Variants in BMPR1A observed in about 807,000 individuals in gnomAD.
BMPR1A encodes the protein bone morphogenetic protein receptor type-1A.
A neutral mutation model predicts 66.0 loss-of-function variants in BMPR1A; 7 were observed. The ratio of observed to expected loss-of-function variants is 0.11; its 90% CI spans 0.06 to 0.20. The LOEUF (loss-of-function observed/expected upper bound fraction) is 0.20, where lower values mean the gene tolerates loss of function less well. Ranked by LOEUF, BMPR1A falls within the 10% of genes least tolerant of loss-of-function variation. The pLI is 1.00. For synonymous variants in BMPR1A, 200 were observed against 229.7 expected (o/e 0.87, Z 1.17); for missense variants, 408 against 669.1 (o/e 0.61, Z 4.31).
chr10:86,868,048 T>A (rs1297990590), intron 2 of BMPR1A, among the ~76,000 whole-genome samples: 1 of 152,214 alleles, frequency 6.6e-6, no homozygotes, highest in Non-Finnish European at 1.5e-5. Flanking sequence ...GACATGACAG[T>A]GGAAGTTTTA....
chr10:86,857,247 A>G (rs1455605767), intron 2 of BMPR1A, among the ~76,000 whole-genome samples: 1 of 152,158 alleles, frequency 6.6e-6, no homozygotes, highest in Admixed American at 6.5e-5. Flanking sequence ...TCTTGTTAGC[A>G]TAATCTCCCC....
intron 1 of BMPR1A, among the ~76,000 whole-genome samples, chr10:86,814,107 A>G (rs1842004495): frequency 6.6e-6 from 1 of 152,022 alleles, no homozygotes; most frequent in African/African-American, 2.4e-5. Context: ...CAATTTTACT[A>G]TATCTTGGTA....
At chr10:86,762,868 A>T (rs1841090878) in intron 1 of BMPR1A, among the ~76,000 whole-genome samples, 1 of 152,108 alleles carries the variant, frequency 6.6e-6, no homozygotes, top group Non-Finnish European at 1.5e-5. Flanking sequence ...AAGAAAGGAC[A>T]AGGAGACTGT....
chr10:86,789,278 AAAAGTAGAT>A, intron 1 of BMPR1A, among the ~76,000 whole-genome samples: 1 of 152,212 alleles, frequency 6.6e-6, no homozygotes, highest in East Asian at 1.9e-4. Flanking sequence ...GCAATCAGAA[AAAAGTAGAT>A]AAATTAAACT....
At chr10:86,795,405 A>G (rs986602158) in intron 1 of BMPR1A, among the ~76,000 whole-genome samples, 4 of 115,028 alleles carry the variant, frequency 3.5e-5, no homozygotes, top group Non-Finnish European at 5.2e-5. Context: ...ACCATATTTA[A>G]AAAGTGATTT....
At chr10:86,798,313 G>C (rs1287355778) in intron 1 of BMPR1A, among the ~76,000 whole-genome samples, 5 of 152,030 alleles carry the variant, frequency 3.3e-5, no homozygotes, top group African/African-American at 7.2e-5. Context: ...CTAATACTAA[G>C]TTTTTACATG....
intron 11 of BMPR1A, among the ~76,000 whole-genome samples, chr10:86,922,694 C>T (rs530423157): frequency 1.3e-5 from 2 of 152,346 alleles, no homozygotes; most frequent in African/African-American, 2.4e-5. Flanking sequence ...TGTTCTCATT[C>T]GGGAAAGCTC....
chr10:86,866,426 T>TTTTTTTTTTTTGTTTGGG (rs1842789160), intron 2 of BMPR1A, among the ~76,000 whole-genome samples: 1 of 138,186 alleles, frequency 7.2e-6, no homozygotes, highest in Admixed American at 7.1e-5. Flanking sequence ...TTTTTTTTTT[T>TTTTTTTTTTTTGTTTGGG]GAGATGGAGT....
chr10:86,759,497 G>A (rs886312270), intron 1 of BMPR1A, among the ~76,000 whole-genome samples: 19 of 152,010 alleles, frequency 1.2e-4, no homozygotes, highest in African/African-American at 4.6e-4. Context: ...TAGCAAACTT[G>A]CCTCTTTGGT....
At chr10:86,899,511 T>C (rs1843274693) in intron 5 of BMPR1A, among the ~76,000 whole-genome samples, 1 of 152,234 alleles carries the variant, frequency 6.6e-6, no homozygotes, top group East Asian at 1.9e-4. Context: ...AGTGAGATTA[T>C]ATGTACCAGA....
At chr10:86,839,592 CAAAAAAAAA>C (rs1210538965) in intron 2 of BMPR1A, among the ~76,000 whole-genome samples, 1 of 73,054 alleles carries the variant, frequency 1.4e-5, no homozygotes, top group Non-Finnish European at 2.6e-5. Context: ...GACTCTGTCT[CAAAAAAAAA>C]AAAAAAAAAA....
In BMPR1A at chr10:86,890,242, C is replaced by A. The variant is rs951790171; in HGVS notation, c.230+18C>A. On this transcript the variant is annotated intron_variant, in intron 4 of 12. Coordinates refer to ENST00000372037, the MANE Select transcript of BMPR1A (RefSeq NM_004329.3). ...ACATGCATGTAAGTATTTTATGCAG[C>A]CCTTCTTAAGAGTTAGGAGAATAGA... 5.0e-6 allele frequency: 8 copies of A among 1,612,194 alleles called. No homozygotes were observed. Among genetic ancestry groups the A allele is most frequent in the Non-Finnish European group, 6.8e-6 (8 of 1,178,356 alleles).
chr10:86,873,624 G>T (rs1043673777), intron 2 of BMPR1A, among the ~76,000 whole-genome samples: 7 of 152,148 alleles, frequency 4.6e-5, no homozygotes, highest in African/African-American at 1.7e-4. Context: ...TAGACAGGTG[G>T]AGTGTGATTC....
At chr10:86,865,927 TC>T (rs1162896958) in intron 2 of BMPR1A, among the ~76,000 whole-genome samples, 1 of 152,138 alleles carries the variant, frequency 6.6e-6, no homozygotes, top group Admixed American at 6.5e-5. Flanking sequence ...GGGACTGAGA[TC>T]CTGAGTAGTA....
At chr10:86,837,692 G>A (rs1011360800) in intron 1 of BMPR1A, among the ~76,000 whole-genome samples, 3 of 152,146 alleles carry the variant, frequency 2.0e-5, no homozygotes, top group African/African-American at 7.2e-5. Context: ...ATAGTCATAT[G>A]AGGACTCTGA....
intron 2 of BMPR1A, among the ~76,000 whole-genome samples, chr10:86,857,176 C>T (rs966527215): frequency 6.6e-6 from 1 of 152,148 alleles, no homozygotes; most frequent in African/African-American, 2.4e-5. Flanking sequence ...GCTTGGCTAG[C>T]TCAAACCCCA....
At chr10:86,911,872 T>A (rs1843493781) in intron 7 of BMPR1A, among the ~76,000 whole-genome samples, 1 of 152,212 alleles carries the variant, frequency 6.6e-6, no homozygotes, top group Non-Finnish European at 1.5e-5. Flanking sequence ...AGGCATTGTT[T>A]CATATCTATC....
intron 1 of BMPR1A, among the ~76,000 whole-genome samples, chr10:86,780,911 C>G (rs900850341): frequency 1.2e-4 from 19 of 152,108 alleles, no homozygotes; most frequent in Non-Finnish European, 1.5e-5. Context: ...GACAAGGTCT[C>G]ACCACGTTGC....
intron 1 of BMPR1A, among the ~76,000 whole-genome samples, chr10:86,774,874 T>G (rs1227507541): frequency 6.6e-6 from 1 of 152,180 alleles, no homozygotes; most frequent in Non-Finnish European, 1.5e-5. Flanking sequence ...ATTAAGTAAC[T>G]CTTTGTGATA....
Sources: allele counts gnomAD v4.1 joint callset (sites outside exome capture counted in the v4.1 genomes callset), GRCh38; gene constraint gnomAD v4.1.1; transcripts MANE v1.5; gene names NCBI Gene and HGNC (gene_info 2026-07-23, HGNC 2026-07-21).